The following COX10 variants were observed in gnomAD, a reference collection of about 807,000 sequenced individuals.
The protein encoded by COX10 is cytochrome c oxidase assembly factor heme A:farnesyltransferase COX10.
A neutral mutation model predicts 37.3 loss-of-function variants in COX10; 27 were observed. The observed-to-expected ratio is 0.72, with a 90% CI of 0.53 to 1.00. The LOEUF is 1.00. Ranked by LOEUF, COX10 falls within the 50% of genes least tolerant of loss-of-function variation. The probability of loss-of-function intolerance (pLI) is 0.00; values close to 1 mark genes in which losing one functional copy is unlikely to be tolerated. For missense variants in COX10, 475 were observed against 563.2 expected, an observed-to-expected ratio of 0.84 and a Z score of 1.59; for synonymous variants, 222 against 229.1, an observed-to-expected ratio of 0.97 and a Z score of 0.28.
chr17:14,128,208 A>C (rs1421319420), intron 4 of COX10, among the ~76,000 whole-genome samples: 1 of 152,004 alleles, frequency 6.6e-6, no homozygotes, highest in African/African-American at 2.4e-5. Context: ...TTATATAATT[A>C]TTTCATTTGT....
intron 4 of COX10, among the ~76,000 whole-genome samples, chr17:14,141,719 T>C (rs1904550848): frequency 6.6e-6 from 1 of 152,118 alleles, no homozygotes; most frequent in African/African-American, 2.4e-5. Context: ...TTGTTTTATA[T>C]AATTGCAGAT....
chr17:14,139,910 A>G (rs562623396), intron 4 of COX10, among the ~76,000 whole-genome samples: 1 of 152,202 alleles, frequency 6.6e-6, no homozygotes, highest in Non-Finnish European at 1.5e-5. Context: ...CCATAAACAA[A>G]GCCATAGAAA....
chr17:14,102,823 G>A (rs1391554533), intron 4 of COX10, among the ~76,000 whole-genome samples: 1 of 151,814 alleles, frequency 6.6e-6, no homozygotes, highest in Admixed American at 6.6e-5. Context: ...AGTCACTGTG[G>A]TCTGCCTTAA....
At chr17:14,176,983 G>A (rs1464895691) in intron 5 of COX10, 1 of 339,922 alleles carries the variant, frequency 2.9e-6, no homozygotes, top group African/African-American at 2.1e-5. Context: ...GCAAATCAAA[G>A]GGGAAAATGT....
intron 4 of COX10, among the ~76,000 whole-genome samples, chr17:14,124,599 A>G (rs918713770): frequency 1.3e-5 from 2 of 152,124 alleles, no homozygotes; most frequent in East Asian, 1.9e-4. Flanking sequence ...TTAAGATGGT[A>G]TATTCATTTC....
intron 4 of COX10, among the ~76,000 whole-genome samples, chr17:14,107,670 TAC>T (rs57092278): frequency 0.31 from 46,237 of 149,320 alleles, 7,476 homozygotes; most frequent in African/African-American, 0.4. Flanking sequence ...TGTACTGTTT[TAC>T]ACACACACAC....
intron 4 of COX10, among the ~76,000 whole-genome samples, chr17:14,155,265 T>G (rs1236184406): frequency 6.6e-6 from 1 of 151,800 alleles, no homozygotes; most frequent in Non-Finnish European, 1.5e-5. Context: ...GCACTTTGAT[T>G]TTCGTGGAAA....
chr17:14,203,252 G>A (rs1359920784), intron 6 of COX10, among the ~76,000 whole-genome samples: 1 of 151,900 alleles, frequency 6.6e-6, no homozygotes, highest in Middle Eastern at 3.4e-3. Context: ...ATATATATAT[G>A]TATAAAATTT....
chr17:14,116,241 C>A (rs987002201), intron 4 of COX10, among the ~76,000 whole-genome samples: 6 of 152,204 alleles, frequency 3.9e-5, no homozygotes, highest in Middle Eastern at 3.4e-3. Context: ...CCACAGTCAA[C>A]TGAGATCTGA....
chr17:14,192,857 G>A (rs998351732), intron 6 of COX10, among the ~76,000 whole-genome samples: 6 of 151,964 alleles, frequency 3.9e-5, no homozygotes, highest in South Asian at 2.1e-4. Flanking sequence ...GTTTTTGACC[G>A]ACACTTAGGA....
At chr17:14,077,182 C>T in intron 3 of COX10, 126 bp downstream of exon 3, 3 of 852,104 alleles carry the variant, frequency 3.5e-6, no homozygotes, top group East Asian at 5.3e-5. Context: ...TATTTTTCCT[C>T]TCTTCAATTT....
chr17:14,152,305 C>T (rs567645161), intron 4 of COX10, among the ~76,000 whole-genome samples: 11 of 152,290 alleles, frequency 7.2e-5, no homozygotes, highest in African/African-American at 2.6e-4. Context: ...GTGAAAGGCA[C>T]ATCTTACATG....
At chr17:14,150,677 T>C (rs535823986) in intron 4 of COX10, among the ~76,000 whole-genome samples, 21 of 152,318 alleles carry the variant, frequency 1.4e-4, no homozygotes, top group African/African-American at 4.8e-4. Flanking sequence ...GACGTTTCAG[T>C]TGGCCCAGTT....
At chr17:14,082,155 T>G (rs1271556212) in intron 3 of COX10, among the ~76,000 whole-genome samples, 1 of 152,174 alleles carries the variant, frequency 6.6e-6, no homozygotes, top group Non-Finnish European at 1.5e-5. Context: ...ACCAGAACTT[T>G]GGGGTATATC....
intron 4 of COX10, among the ~76,000 whole-genome samples, chr17:14,110,957 C>T (rs930450912): frequency 6.6e-6 from 1 of 151,974 alleles, no homozygotes; most frequent in Non-Finnish European, 1.5e-5. Flanking sequence ...CTAAACTGAG[C>T]CCCCAGACAC....
intron 4 of COX10, among the ~76,000 whole-genome samples, chr17:14,146,004 A>G (rs1225830716): frequency 1.3e-5 from 2 of 152,174 alleles, no homozygotes; most frequent in African/African-American, 2.4e-5. Flanking sequence ...AGTTTACCTA[A>G]AGAGGGTCTG....
intron 5 of COX10, among the ~76,000 whole-genome samples, chr17:14,179,986 T>C (rs1249157463): frequency 2.0e-5 from 3 of 152,224 alleles, no homozygotes; most frequent in Non-Finnish European, 4.4e-5. Context: ...GATTGTTTAG[T>C]TGGCATTATT....
intron 4 of COX10, among the ~76,000 whole-genome samples, chr17:14,112,233 G>A (rs891150279): frequency 6.6e-6 from 1 of 152,094 alleles, no homozygotes; most frequent in Admixed American, 6.6e-5. Flanking sequence ...CAGGCTTTAA[G>A]ACTTTAATAC....
chr17:14,070,892 G>A (rs1470916876), intron 1 of COX10, among the ~76,000 whole-genome samples: 1 of 152,202 alleles, frequency 6.6e-6, no homozygotes, highest in East Asian at 1.9e-4. Flanking sequence ...TGTTTGGTTT[G>A]TAAAGTGGAG....
Sources: gnomAD v4.1 joint callset for allele counts (sites outside exome capture counted in the v4.1 genomes callset) on GRCh38, gnomAD v4.1.1 for gene constraint, MANE v1.5 for transcripts, NCBI Gene and HGNC (gene_info 2026-07-23, HGNC 2026-07-21) for gene names.